Variants in UCK2 observed in about 807,000 individuals in gnomAD.
UCK2 encodes cytidine monophosphokinase 2.
A neutral mutation model predicts 30.8 loss-of-function variants in UCK2; 6 were observed. That is an observed-to-expected ratio of 0.19 (90% CI 0.11 to 0.38). The LOEUF (loss-of-function observed/expected upper bound fraction) is 0.38. UCK2 is among the 10% of genes least tolerant of loss of function. UCK2 has a pLI of 1.00. For synonymous variants in UCK2, 125 were observed against 133.6 expected (o/e 0.94, Z 0.45); for missense variants, 210 against 339.8 (o/e 0.62, Z 3.00).
At chr1:165,873,128 C>CA (rs1436883532) in intron 1 of UCK2, among the ~76,000 whole-genome samples, 2 of 151,938 alleles carry the variant, frequency 1.3e-5, no homozygotes, top group Admixed American at 6.6e-5. Flanking sequence ...AAAAGAAAAC[C>CA]AAAAAAACCC....
At position 165,907,564 on chromosome 1, in the gene UCK2, C is replaced by G. The variant is rs753281773; in HGVS notation, c.647-120C>G. The G allele has an allele frequency of 7.9e-6, 11 of 1,393,928 alleles. No homozygotes were observed. In the African/African-American group the frequency reaches 1.6e-4, roughly 20 times the overall value. 86.3% of individuals were successfully genotyped at this position (1,393,928 alleles called of 1,614,324 possible). A position where few individuals can be genotyped will look rare whatever the true frequency, so the allele number is the denominator to read the frequency against. On this transcript the variant is annotated intron_variant, in intron 6 of 6. Coordinates refer to ENST00000367879, the MANE Select transcript of UCK2 (RefSeq NM_012474.5). ...GATGACTTGCCTGCAAGTGGCAGAG[C>G]CACTTCCCTGGAAGTCTTTCTACTG... is the stretch of plus-strand genomic sequence containing the variant.
chr1:165,840,150 C>T (rs1654291746), intron 1 of UCK2, among the ~76,000 whole-genome samples: 1 of 152,164 alleles, frequency 6.6e-6, no homozygotes, highest in African/African-American at 2.4e-5. Flanking sequence ...AATTCCCGAC[C>T]TCAAGTTATC....
chr1:165,874,735 T>C (rs1211184489), intron 1 of UCK2, among the ~76,000 whole-genome samples: 2 of 152,134 alleles, frequency 1.3e-5, no homozygotes, highest in Non-Finnish European at 2.9e-5. Context: ...CTTCCATCTA[T>C]AGGTTGTTAA....
At chr1:165,830,473 C>T (rs544219637) in intron 1 of UCK2, among the ~76,000 whole-genome samples, 122 of 151,826 alleles carry the variant, frequency 8.0e-4, no homozygotes, top group African/African-American at 2.5e-3. Context: ...TACAGGTGCC[C>T]GCCACCACGC....
intron 1 of UCK2, among the ~76,000 whole-genome samples, chr1:165,871,460 C>CA (rs1007750261): frequency 6.6e-6 from 1 of 152,116 alleles, no homozygotes; most frequent in African/African-American, 2.4e-5. Flanking sequence ...GACACAGCTG[C>CA]AGGTCTTTTG....
chr1:165,856,888 A>C (rs562926332), intron 1 of UCK2, among the ~76,000 whole-genome samples: 1 of 143,490 alleles, frequency 7.0e-6, no homozygotes, highest in Non-Finnish European at 1.5e-5. Context: ...TGGCCCTCAT[A>C]GGCGGCCCCA....
chr1:165,859,806 C>T (rs1199913326), intron 1 of UCK2, among the ~76,000 whole-genome samples: 1 of 152,110 alleles, frequency 6.6e-6, no homozygotes, highest in Non-Finnish European at 1.5e-5. Flanking sequence ...GAGTGAGACC[C>T]TGTCTCAATA....
chr1:165,876,877 C>T (rs1655350305), intron 1 of UCK2, among the ~76,000 whole-genome samples: 1 of 152,218 alleles, frequency 6.6e-6, no homozygotes, highest in Non-Finnish European at 1.5e-5. Context: ...ATATGGCTTT[C>T]CCTCATGTCT....
intron 6 of UCK2, among the ~76,000 whole-genome samples, chr1:165,907,355 G>A (rs1285166853): frequency 6.6e-6 from 1 of 152,148 alleles, no homozygotes; most frequent in East Asian, 1.9e-4. Flanking sequence ...TCAGAACCAT[G>A]GCTGGTTACC....
chr1:165,862,985 G>A (rs375379992), intron 1 of UCK2, among the ~76,000 whole-genome samples: 16 of 152,288 alleles, frequency 1.1e-4, no homozygotes, highest in African/African-American at 3.4e-4. Flanking sequence ...CTTAGAGATC[G>A]TTCTGATGGT....
intron 1 of UCK2, among the ~76,000 whole-genome samples, chr1:165,873,013 A>G (rs569900451): frequency 6.6e-6 from 1 of 152,344 alleles, no homozygotes; most frequent in Admixed American, 6.5e-5. Context: ...AGGGCAGTCG[A>G]GATCAAGTGG....
intron 1 of UCK2, among the ~76,000 whole-genome samples, chr1:165,841,042 G>A (rs1214599365): frequency 6.6e-6 from 1 of 151,942 alleles, no homozygotes; most frequent in African/African-American, 2.4e-5. Flanking sequence ...CAATATCTGT[G>A]TGACTCTAGT....
intron 1 of UCK2, among the ~76,000 whole-genome samples, chr1:165,837,965 C>T (rs775151575): frequency 7.2e-5 from 11 of 152,180 alleles, no homozygotes; most frequent in Admixed American, 5.9e-4. Context: ...CTTCTGTAGC[C>T]TCTCAGGCTG....
chr1:165,867,209 G>A (rs1028435097), intron 1 of UCK2, among the ~76,000 whole-genome samples: 1 of 152,154 alleles, frequency 6.6e-6, no homozygotes, highest in Non-Finnish European at 1.5e-5. Flanking sequence ...ATTGCTAATG[G>A]TCATCTGAGC....
At chr1:165,848,660 C>T (rs76130538) in intron 1 of UCK2, among the ~76,000 whole-genome samples, 9 of 147,890 alleles carry the variant, frequency 6.1e-5, no homozygotes, top group Non-Finnish European at 1.0e-4. Flanking sequence ...ACACACACAC[C>T]CACACACACA....
chr1:165,890,502 A>G (rs1655739127), intron 2 of UCK2, 139 bp downstream of exon 2: 10 of 833,306 alleles, frequency 1.2e-5, no homozygotes, highest in Non-Finnish European at 1.9e-5. Flanking sequence ...ACTACCTTGC[A>G]GTGTTATTGT....
intron 1 of UCK2, among the ~76,000 whole-genome samples, chr1:165,833,974 A>G (rs1352580086): frequency 6.6e-6 from 1 of 152,174 alleles, no homozygotes; most frequent in East Asian, 1.9e-4. Context: ...GGAATAAAAA[A>G]TGAGAAAAAG....
rs570324843 is a variant in UCK2 at position 165,895,412 on chromosome 1, T to C, written c.357-778T>C. 3 of 937,700 alleles carry C rather than the reference T, an allele frequency of 3.2e-6. No homozygotes were observed. The Admixed American group carries it at 1.8e-4, about 58-fold the overall frequency. The allele number at this position is 937,700 out of a possible 1,614,324, so 58.1% of individuals were successfully genotyped here. A position where few individuals can be genotyped will look rare whatever the true frequency, so the allele number is the denominator to read the frequency against. ...CCTCCTGGGTGACAAAGTGAGACCC[T>C]GTCTCCAAAAACAAGAAAAAGAAAG... On this transcript the variant is annotated intron_variant, in intron 3 of 6. Coordinates refer to ENST00000367879, the MANE Select transcript of UCK2 (RefSeq NM_012474.5).
intron 1 of UCK2, among the ~76,000 whole-genome samples, chr1:165,861,658 A>C (rs1421787955): frequency 8.0e-5 from 4 of 49,806 alleles, no homozygotes; most frequent in African/African-American, 2.8e-4. Context: ...AACAAAAAAA[A>C]ACAACAGTAA....
Sources: gnomAD v4.1 joint callset for allele counts (sites outside exome capture counted in the v4.1 genomes callset) on GRCh38, gnomAD v4.1.1 for gene constraint, MANE v1.5 for transcripts, NCBI Gene and HGNC (gene_info 2026-07-23, HGNC 2026-07-21) for gene names.